PPP1R9A: variants seen among roughly 807,000 people sequenced by gnomAD.
PPP1R9A encodes the protein protein phosphatase 1 regulatory subunit 9A.
Under a neutral mutation model 141.9 loss-of-function variants are expected in PPP1R9A, and 59 were observed. The observed-to-expected ratio is 0.42, with a 90% confidence interval of 0.34 to 0.52. The LOEUF (loss-of-function observed/expected upper bound fraction) is 0.52. Among genes scored for constraint, PPP1R9A ranks in the 20% least tolerant of loss-of-function variants. The pLI is 0.10. For missense variants in PPP1R9A, 1,444 were observed against 1,611.9 expected, an observed-to-expected ratio of 0.90 and a Z score of 1.78; for synonymous variants, 500 against 569.7, an observed-to-expected ratio of 0.88 and a Z score of 1.74.
intron 8 of PPP1R9A, among the ~76,000 whole-genome samples, chr7:95,246,778 A>T (rs1013942669): frequency 9.2e-5 from 14 of 152,172 alleles, no homozygotes; most frequent in African/African-American, 3.1e-4. Flanking sequence ...TCCCTTACAA[A>T]GAAAACAAAG....
intron 2 of PPP1R9A, among the ~76,000 whole-genome samples, chr7:95,048,705 G>A (rs1810377391): frequency 6.6e-6 from 1 of 151,914 alleles, no homozygotes; most frequent in Non-Finnish European, 1.5e-5. Context: ...ACCACGCCGA[G>A]CTAATTTTTT....
chr7:94,926,272 T>G (rs1363687300), intron 2 of PPP1R9A, among the ~76,000 whole-genome samples: 1 of 152,232 alleles, frequency 6.6e-6, no homozygotes, highest in African/African-American at 2.4e-5. Flanking sequence ...TTGTGCTCTC[T>G]TTCGTTTGGG....
At chr7:95,090,127 G>A (rs1817146978) in intron 2 of PPP1R9A, among the ~76,000 whole-genome samples, 1 of 151,786 alleles carries the variant, frequency 6.6e-6, no homozygotes, top group Admixed American at 6.6e-5. Flanking sequence ...TCAAGTCTTT[G>A]GTGGTTTTTA....
At chr7:94,938,679 C>T (rs1464364558) in intron 2 of PPP1R9A, among the ~76,000 whole-genome samples, 1 of 152,112 alleles carries the variant, frequency 6.6e-6, no homozygotes, top group Non-Finnish European at 1.5e-5. Flanking sequence ...GGTCCTGGCT[C>T]TCATCTTTCT....
intron 5 of PPP1R9A, among the ~76,000 whole-genome samples, chr7:95,162,520 G>C (rs1487838594): frequency 6.6e-6 from 1 of 152,112 alleles, no homozygotes; most frequent in Non-Finnish European, 1.5e-5. Context: ...TGTGAATATT[G>C]TATATTGGAA....
chr7:95,128,347 T>A (rs1429844299), intron 4 of PPP1R9A, among the ~76,000 whole-genome samples: 2 of 152,230 alleles, frequency 1.3e-5, no homozygotes, highest in African/African-American at 4.8e-5. Context: ...TTTGCCCATT[T>A]TTAAATTGGG....
chr7:95,064,273 T>C (rs931398199), intron 2 of PPP1R9A, among the ~76,000 whole-genome samples: 1 of 152,222 alleles, frequency 6.6e-6, no homozygotes, highest in African/African-American at 2.4e-5. Context: ...ATGTACATTT[T>C]TGATTCATTA....
chr7:95,157,876 C>T (rs562878165), intron 4 of PPP1R9A, among the ~76,000 whole-genome samples: 11 of 152,100 alleles, frequency 7.2e-5, no homozygotes, highest in African/African-American at 1.9e-4. Context: ...AAAGTCAATA[C>T]GATAAAGTTG....
chr7:95,055,912 C>T (rs1444454590), intron 2 of PPP1R9A, among the ~76,000 whole-genome samples: 2 of 151,990 alleles, frequency 1.3e-5, no homozygotes, highest in East Asian at 1.9e-4. Context: ...CTACCATGTG[C>T]CAGAATAACA....
In PPP1R9A at chr7:95,182,491, A is replaced by C. The variant is rs541846570; in HGVS notation, c.1755-15858A>C. Among the ~76,000 whole-genome samples, 6 of 152,364 alleles carry C rather than the reference A, an allele frequency of 3.9e-5. 1 individual carries two copies. Among genetic ancestry groups the C allele is most frequent in the African/African-American group, 1.4e-4 (6 of 41,590 alleles). On this transcript the variant is annotated intron_variant, in intron 5 of 19. Coordinates refer to ENST00000433360, the MANE Select transcript of PPP1R9A (RefSeq NM_001166160.2). ...AGATCATTTCCATTTGAAATGCAAT[A>C]AACCTCAAAATGTTTTTACTTTATT... is the stretch of plus-strand genomic sequence containing the variant.
At chr7:95,113,743 GA>G in intron 3 of PPP1R9A, among the ~76,000 whole-genome samples, 1 of 152,256 alleles carries the variant, frequency 6.6e-6, no homozygotes, top group East Asian at 1.9e-4. Context: ...AGGATTTAAA[GA>G]ACACATTGCC....
At chr7:95,149,634 C>A (rs964868803) in intron 4 of PPP1R9A, among the ~76,000 whole-genome samples, 2 of 151,642 alleles carry the variant, frequency 1.3e-5, no homozygotes, top group African/African-American at 2.4e-5. Context: ...TCTGTTAACA[C>A]CCCTAAAAAT....
At chr7:94,918,994 A>G (rs1207262013) in intron 2 of PPP1R9A, among the ~76,000 whole-genome samples, 1 of 152,210 alleles carries the variant, frequency 6.6e-6, no homozygotes, top group Non-Finnish European at 1.5e-5. Flanking sequence ...GAAGAATGAA[A>G]TGTATAACTG....
chr7:95,158,462 C>A (rs1168368718), intron 4 of PPP1R9A, among the ~76,000 whole-genome samples: 1 of 152,028 alleles, frequency 6.6e-6, no homozygotes, highest in Non-Finnish European at 1.5e-5. Flanking sequence ...TGAGAGCAGC[C>A]TAGGCAACAT....
rs888495255 is a variant in PPP1R9A, at chr7:95,294,588, GA to G, written c.*4286del. 9 of 152,170 alleles carry G rather than the reference GA, an allele frequency of 5.9e-5. No homozygotes were observed. Among genetic ancestry groups the G allele is most frequent in the African/African-American group, 2.2e-4 (9 of 41,430 alleles). The allele number at this position is 152,170 out of a possible 1,614,324, so 9.4% of individuals were successfully genotyped here. A position where few individuals can be genotyped will look rare whatever the true frequency, so the allele number is the denominator to read the frequency against. ...GAAAAGCAGCCTGGGTATGTTGGCA[GA>G]TTTTGTTTGCATTTGTCTTGCGTAT... is the stretch of plus-strand genomic sequence containing the variant. On this transcript the variant is annotated 3_prime_UTR_variant, in exon 20 of 20. Coordinates refer to ENST00000433360, the MANE Select transcript of PPP1R9A (RefSeq NM_001166160.2).
chr7:95,218,945 A>G (rs1269218365), intron 7 of PPP1R9A, among the ~76,000 whole-genome samples: 1 of 152,100 alleles, frequency 6.6e-6, no homozygotes, highest in Non-Finnish European at 1.5e-5. Flanking sequence ...GTGTCTTTTA[A>G]TTGGAGCATT....
At chr7:95,041,559 ATT>A (rs1049443212) in intron 2 of PPP1R9A, among the ~76,000 whole-genome samples, 9 of 152,076 alleles carry the variant, frequency 5.9e-5, no homozygotes, top group African/African-American at 2.2e-4. Context: ...TACTATTTGT[ATT>A]TATCCAATTG....
intron 4 of PPP1R9A, among the ~76,000 whole-genome samples, chr7:95,157,114 C>T (rs975520261): frequency 2.0e-5 from 3 of 152,192 alleles, no homozygotes; most frequent in African/African-American, 7.2e-5. Flanking sequence ...TATCTGTCTG[C>T]CTCCCCCTGC....
chr7:95,202,628 C>T (rs184722870), intron 6 of PPP1R9A: 24 of 900,414 alleles, frequency 2.7e-5, no homozygotes, highest in African/African-American at 9.1e-5. Context: ...TCATGACACT[C>T]GGGGGGTATG....
Sources: gnomAD v4.1 joint callset for allele counts (sites outside exome capture counted in the v4.1 genomes callset) on GRCh38, gnomAD v4.1.1 for gene constraint, MANE v1.5 for transcripts, NCBI Gene and HGNC (gene_info 2026-07-23, HGNC 2026-07-21) for gene names.